INTS9: variants seen among roughly 807,000 people sequenced by gnomAD.
INTS9 encodes integrator complex subunit 9, also known as protein related to CPSF subunits of 74 kDa.
In INTS9, 55 loss-of-function variants were observed where a neutral mutation model predicts 79.7. The observed-to-expected ratio is 0.69, with a 90% CI of 0.56 to 0.86. INTS9 has a LOEUF of 0.86. Among genes scored for constraint, INTS9 ranks in the 40% least tolerant of loss-of-function variants. The pLI is 0.00. For missense variants in INTS9, 721 were observed against 831.5 expected (o/e 0.87, Z 1.64); for synonymous variants, 319 against 325.2 (o/e 0.98, Z 0.20).
At chr8:28,785,858 G>C (rs904947880) in intron 11 of INTS9, among the ~76,000 whole-genome samples, 7 of 152,164 alleles carry the variant, frequency 4.6e-5, no homozygotes, top group African/African-American at 1.7e-4. Flanking sequence ...CTATCCAACA[G>C]CACAGGATTC....
chr8:28,851,604 A>G (rs1585474313), intron 2 of INTS9, among the ~76,000 whole-genome samples: 1 of 151,630 alleles, frequency 6.6e-6, no homozygotes, highest in Admixed American at 6.6e-5. Flanking sequence ...CACCTGGCTA[A>G]TTTTTTGTAT....
intron 1 of INTS9, among the ~76,000 whole-genome samples, chr8:28,889,640 G>A (rs968231692): frequency 6.6e-6 from 1 of 152,076 alleles, no homozygotes; most frequent in Non-Finnish European, 1.5e-5. Flanking sequence ...CCTCTTGTCT[G>A]AACAAAAAGA....
intron 14 of INTS9, among the ~76,000 whole-genome samples, chr8:28,772,276 G>C (rs1802593234): frequency 6.6e-6 from 1 of 152,232 alleles, no homozygotes; most frequent in Non-Finnish European, 1.5e-5. Context: ...TGTAATTCCA[G>C]CACTTTGGGA....
intron 6 of INTS9, among the ~76,000 whole-genome samples, chr8:28,815,329 A>G (rs969917353): frequency 1.1e-4 from 16 of 152,182 alleles, no homozygotes; most frequent in African/African-American, 3.9e-4. Flanking sequence ...ACAAACGTGA[A>G]AGAGGTACAT....
chr8:28,866,453 C>T (rs1372789067), intron 1 of INTS9, among the ~76,000 whole-genome samples: 3 of 152,092 alleles, frequency 2.0e-5, no homozygotes, highest in Admixed American at 6.5e-5. Context: ...GTCAGACTCT[C>T]AACACTCTTA....
intron 8 of INTS9, among the ~76,000 whole-genome samples, chr8:28,805,423 C>T (rs1804754842): frequency 6.6e-6 from 1 of 152,194 alleles, no homozygotes; most frequent in Non-Finnish European, 1.5e-5. Flanking sequence ...CCTCTAGATT[C>T]CCATTCCTCA....
Position 28,796,609 on chromosome 8 carries a change from G to A in INTS9, c.791C>T (p.Thr264Ile), listed in dbSNP as rs1477356558. The A allele has an allele frequency of 6.2e-7, 1 of 1,614,082 alleles. No individual in the cohort carries two copies. The highest frequency in any genetic ancestry group is 1.1e-5 in the South Asian group (1 of 91,070). Residue 264 changes from threonine (T) to isoleucine (I), a missense_variant, in exon 9 of 17, where the codon ACA (threonine) becomes ATA (isoleucine). By Grantham distance (89) the Thr-to-Ile change is moderately conservative. This residue lies in a region of INTS9 where 149 missense variants were observed against 223.7 expected (regional missense o/e 0.67). Transcript: ENST00000521022. ...SLKNSDVLVL[T>I]GLTQIPTANP... The stretch of plus-strand genomic sequence containing the variant: ...TGCAGTGGGGATCTGGGTAAGCCCT[G>A]TCAGAACAAGAACATCGCTGTTTTT...
At chr8:28,769,761 G>C (rs1482613892) in intron 16 of INTS9, 128 bp downstream of exon 16, 2 of 1,236,064 alleles carry the variant, frequency 1.6e-6, no homozygotes, top group Admixed American at 4.9e-5. Context: ...AGACCAAACA[G>C]ATGCCACAGG....
intron 6 of INTS9, among the ~76,000 whole-genome samples, chr8:28,814,683 A>G (rs919264158): frequency 2.0e-5 from 3 of 152,178 alleles, no homozygotes; most frequent in African/African-American, 7.2e-5. Flanking sequence ...GAAAGTCTGG[A>G]CTACGGGAAA....
chr8:28,821,946 T>C (rs927314998), intron 6 of INTS9, among the ~76,000 whole-genome samples: 1 of 152,070 alleles, frequency 6.6e-6, no homozygotes, highest in Non-Finnish European at 1.5e-5. Context: ...AGTTTATTTT[T>C]TGTAGAGATG....
chr8:28,863,017 T>G (rs1307466096), intron 1 of INTS9, among the ~76,000 whole-genome samples: 1 of 152,224 alleles, frequency 6.6e-6, no homozygotes. Context: ...ACTAAATGAA[T>G]GGATACACTG....
intron 6 of INTS9, among the ~76,000 whole-genome samples, chr8:28,817,882 G>A (rs898441462): frequency 9.9e-5 from 15 of 151,554 alleles, no homozygotes; most frequent in African/African-American, 3.2e-4. Context: ...TCCCTTGTAA[G>A]TTGGATTCCT....
chr8:28,773,425 A>T (rs1427324565), intron 14 of INTS9, among the ~76,000 whole-genome samples: 4 of 148,430 alleles, frequency 2.7e-5, no homozygotes, highest in Non-Finnish European at 6.0e-5. Context: ...GATCGCGCCA[A>T]TGCACTCCAG....
At chr8:28,773,431 T>G (rs1802678557) in intron 14 of INTS9, among the ~76,000 whole-genome samples, 1 of 131,558 alleles carries the variant, frequency 7.6e-6, no homozygotes, top group Admixed American at 8.2e-5. Context: ...GCCAATGCAC[T>G]CCAGCTTGGG....
Position 28,812,447 on chromosome 8 carries a change from C to T in INTS9, c.624G>A (p.Ala208=), listed in dbSNP as rs567572561. The change falls in exon 8 of 17, where the codon GCG becomes GCA. Residue 208 remains alanine (A), a synonymous_variant. Transcript: ENST00000521022. The stretch of plus-strand genomic sequence containing the variant: ...CAGAGCTCAGAGGAGTCACCTGGAC[C>T]GCACCAAAAAGCTCCTAAAAGAGAA... ...GYSQKIELFG[A]VQVTPLSSGY... is the part of the protein sequence containing the mutation. 4.6e-5 allele frequency: 75 copies of T among 1,613,334 alleles called. 1 individual carries two copies. Among genetic ancestry groups the T allele is most frequent in the East Asian group, 2.2e-4 (10 of 44,834 alleles).
chr8:28,793,715 T>C, intron 10 of INTS9, 92 bp downstream of exon 10: 2 of 1,160,876 alleles, frequency 1.7e-6, no homozygotes, highest in Non-Finnish European at 1.2e-6. Flanking sequence ...TCCACAGTAA[T>C]GTGAGAAAAA....
At chr8:28,843,021 A>G (rs1807282572) in intron 4 of INTS9, among the ~76,000 whole-genome samples, 1 of 152,106 alleles carries the variant, frequency 6.6e-6, no homozygotes. Flanking sequence ...AACTCATGGG[A>G]TTATGGGTGG....
At position 28,793,946 on chromosome 8, in the gene INTS9, A is replaced by G. The variant is rs753140556; in HGVS notation, c.898T>C (p.Tyr300His). The change falls in exon 10 of 17, where the codon TAC (tyrosine) becomes CAC (histidine). Residue 300 changes from tyrosine to histidine, a missense_variant. Physicochemically the swap from Tyr to His is moderately conservative, Grantham distance 83. This residue lies in a region of INTS9 where 149 missense variants were observed against 223.7 expected (regional missense o/e 0.67). Coordinates refer to ENST00000521022, the MANE Select transcript of INTS9 (RefSeq NM_018250.4). ...AGGTCATAGATCACTCCAGAAGGGT[A>G]GCAGGGAACCAACACGTTTCCTCCA... ...RNGGNVLVPCYPSGVIYDLLE... is the reference protein window; with the variant it reads ...RNGGNVLVPCHPSGVIYDLLE... The G allele has an allele frequency of 6.2e-7, 1 of 1,609,904 alleles. No homozygotes were observed. The highest frequency in any genetic ancestry group is 8.5e-7 in the Non-Finnish European group (1 of 1,177,420).
chr8:28,832,381 C>T (rs1303523733), intron 6 of INTS9, among the ~76,000 whole-genome samples: 2 of 152,236 alleles, frequency 1.3e-5, no homozygotes, highest in African/African-American at 2.4e-5. Flanking sequence ...CCACACCATA[C>T]ATCCCCAAAC....
Sources: gnomAD v4.1 joint callset for allele counts (sites outside exome capture counted in the v4.1 genomes callset) on GRCh38, gnomAD v4.1.1 for gene constraint, gnomAD v4.1.1 regional missense constraint, MANE v1.5 for transcripts, NCBI Gene and HGNC (gene_info 2026-07-23, HGNC 2026-07-21) for gene names.